The following GALNT2 variants were observed in gnomAD, a reference collection of about 807,000 sequenced individuals.
The protein encoded by GALNT2 is polypeptide N-acetylgalactosaminyltransferase 2.
GALNT2 carries 31 observed loss-of-function variants against 81.4 expected under a neutral mutation model. The observed-to-expected ratio is 0.38, with a 90% CI of 0.29 to 0.51. The LOEUF (loss-of-function observed/expected upper bound fraction) is 0.51. GALNT2 is among the 20% of genes least tolerant of loss of function. The pLI is 0.87. For missense variants in GALNT2, 629 were observed against 765.7 expected, an observed-to-expected ratio of 0.82 and a Z score of 2.11; for synonymous variants, 303 against 287.4, an observed-to-expected ratio of 1.05 and a Z score of -0.55.
Position 230,189,512 on chromosome 1 carries a change from G to A in GALNT2, c.220+11201G>A, listed in dbSNP as rs151250658. On this transcript the variant is annotated intron_variant, in intron 2 of 15. Coordinates refer to ENST00000366672, the MANE Select transcript of GALNT2 (RefSeq NM_004481.5). ...TTAGCTTTTCTACTTCCCACCTGCC[G>A]GAAGAAAGATGAGATAAACCACTTG... is the stretch of plus-strand genomic sequence containing the variant. Among the ~76,000 whole-genome samples, 387 of 152,290 alleles carry A rather than the reference G, an allele frequency of 2.5e-3. 1 individual carries two copies. The highest frequency in any genetic ancestry group is 9.0e-3 in the African/African-American group (373 of 41,550).
intron 1 of GALNT2, among the ~76,000 whole-genome samples, chr1:230,112,889 A>C (rs1275108767): frequency 6.6e-6 from 1 of 152,142 alleles, no homozygotes; most frequent in Non-Finnish European, 1.5e-5. Context: ...TTTCCAGTAA[A>C]ATAGAGTGTC....
At chr1:230,076,399 T>C (rs1231822832) in intron 1 of GALNT2, among the ~76,000 whole-genome samples, 1 of 152,188 alleles carries the variant, frequency 6.6e-6, no homozygotes, top group African/African-American at 2.4e-5. Context: ...GTGCACCTTT[T>C]CCAGCACAGG....
chr1:230,256,036 G>T (rs769687024), intron 11 of GALNT2, among the ~76,000 whole-genome samples: 17 of 152,152 alleles, frequency 1.1e-4, no homozygotes, highest in Admixed American at 8.5e-4. Flanking sequence ...CAAAGAGAGG[G>T]CAGGAAAGAG....
intron 1 of GALNT2, among the ~76,000 whole-genome samples, chr1:230,169,967 G>T (rs1316867035): frequency 6.6e-6 from 1 of 152,206 alleles, no homozygotes; most frequent in Non-Finnish European, 1.5e-5. Flanking sequence ...ACTGAGAACT[G>T]CCTGGGAGCT....
chr1:230,103,360 G>T (rs1421291974), intron 1 of GALNT2, among the ~76,000 whole-genome samples: 3 of 152,200 alleles, frequency 2.0e-5, no homozygotes, highest in Non-Finnish European at 4.4e-5. Flanking sequence ...CCTTGCTACA[G>T]TCATGCAAAG....
intron 9 of GALNT2, among the ~76,000 whole-genome samples, chr1:230,250,225 G>A (rs564014981): frequency 6.6e-6 from 1 of 152,342 alleles, no homozygotes; most frequent in East Asian, 1.9e-4. Flanking sequence ...TCCAGCCCCT[G>A]GCACTGTGGG....
At chr1:230,264,099 AGCGATGGTCACCT>A (rs1483608752) in intron 13 of GALNT2, 1 of 152,288 alleles carries the variant, frequency 6.6e-6, no homozygotes, top group Non-Finnish European at 1.5e-5. Flanking sequence ...GATGGTCACC[AGCGATGGTCACCT>A]GCAGCGGCAA....
At chr1:230,208,906 A>G (rs1164327583) in intron 3 of GALNT2, among the ~76,000 whole-genome samples, 4 of 151,976 alleles carry the variant, frequency 2.6e-5, no homozygotes, top group Admixed American at 6.6e-5. Flanking sequence ...TGCTCCTGGC[A>G]TTTACCACCA....
chr1:230,091,392 T>C (rs1305515738), intron 1 of GALNT2, among the ~76,000 whole-genome samples: 1 of 152,104 alleles, frequency 6.6e-6, no homozygotes, highest in Non-Finnish European at 1.5e-5. Context: ...ACCTTTTCTA[T>C]CGGCCTATTT....
intron 2 of GALNT2, among the ~76,000 whole-genome samples, chr1:230,199,070 A>G (rs941995615): frequency 1.2e-4 from 18 of 152,176 alleles, no homozygotes; most frequent in African/African-American, 4.3e-4. Flanking sequence ...AGATTCTCAT[A>G]TATTTTTATT....
At chr1:230,155,394 T>C (rs1335433176) in intron 1 of GALNT2, among the ~76,000 whole-genome samples, 1 of 152,228 alleles carries the variant, frequency 6.6e-6, no homozygotes, top group East Asian at 1.9e-4. Flanking sequence ...AGCTCATCTC[T>C]TAATCCCGGT....
chr1:230,093,884 C>T (rs1298764625), intron 1 of GALNT2, among the ~76,000 whole-genome samples: 1 of 152,158 alleles, frequency 6.6e-6, no homozygotes, highest in East Asian at 1.9e-4. Flanking sequence ...AATGAAATCA[C>T]CTAAGGGCAC....
At chr1:230,097,782 A>G (rs1660293182) in intron 1 of GALNT2, among the ~76,000 whole-genome samples, 1 of 152,216 alleles carries the variant, frequency 6.6e-6, no homozygotes, top group Non-Finnish European at 1.5e-5. Context: ...AAAATTTTAA[A>G]TACCGTTTAA....
chr1:230,194,340 A>G (rs1179797455), intron 2 of GALNT2, among the ~76,000 whole-genome samples: 1 of 152,180 alleles, frequency 6.6e-6, no homozygotes, highest in Admixed American at 6.5e-5. Flanking sequence ...GGACCGGCAG[A>G]CAGAAGTGGT....
intron 1 of GALNT2, among the ~76,000 whole-genome samples, chr1:230,092,432 C>T (rs979821685): frequency 6.6e-5 from 10 of 151,586 alleles, no homozygotes; most frequent in African/African-American, 2.4e-4. Context: ...CAACCTCTGC[C>T]TCCCGGGTTC....
intron 1 of GALNT2, among the ~76,000 whole-genome samples, chr1:230,083,686 C>T (rs552097595): frequency 9.2e-5 from 14 of 152,306 alleles, no homozygotes; most frequent in South Asian, 8.3e-4. Context: ...TGCTGTTAAA[C>T]GGTGTCCGGA....
chr1:230,263,022 C>T lies in GALNT2; in HGVS notation c.1313+17C>T, dbSNP rs1665925504. Reference sequence around the variant, plus strand: ...AGAGTTAAGGTAAGTCCCCAGGGATCTGGGGTTTCACTTTGTAAGGGCTTA... The same window carrying T: ...AGAGTTAAGGTAAGTCCCCAGGGATTTGGGGTTTCACTTTGTAAGGGCTTA... On this transcript the variant is annotated intron_variant, in intron 13 of 15. Coordinates refer to ENST00000366672, the MANE Select transcript of GALNT2 (RefSeq NM_004481.5). 1.2e-6 allele frequency: 2 copies of T among 1,605,916 alleles called. No individual in the cohort carries two copies. Among genetic ancestry groups the T allele is most frequent in the Non-Finnish European group, 1.7e-6 (2 of 1,172,668 alleles).
intron 1 of GALNT2, among the ~76,000 whole-genome samples, chr1:230,098,171 T>C (rs1660304503): frequency 6.6e-6 from 1 of 152,140 alleles, no homozygotes; most frequent in Admixed American, 6.5e-5. Context: ...TTTGAAGACA[T>C]ACTTAAATAA....
intron 1 of GALNT2, among the ~76,000 whole-genome samples, chr1:230,121,707 T>C (rs1297278354): frequency 1.3e-5 from 2 of 152,080 alleles, no homozygotes; most frequent in Non-Finnish European, 2.9e-5. Context: ...CTGGGAACTT[T>C]CCATGCCCAC....
Sources: allele counts gnomAD v4.1 joint callset (sites outside exome capture counted in the v4.1 genomes callset), GRCh38; gene constraint gnomAD v4.1.1; transcripts MANE v1.5; gene names NCBI Gene and HGNC (gene_info 2026-07-23, HGNC 2026-07-21).